The following CNTNAP5 variants were observed in gnomAD, a reference collection of about 807,000 sequenced individuals.
CNTNAP5 encodes the protein contactin-associated protein-like 5.
In CNTNAP5, 72 loss-of-function variants were observed where a neutral mutation model predicts 150.2. The ratio of observed to expected loss-of-function variants is 0.48; its 90% CI spans 0.40 to 0.58. CNTNAP5 has a LOEUF of 0.58. Ranked by LOEUF, CNTNAP5 falls within the 20% of genes least tolerant of loss-of-function variation. CNTNAP5 has a pLI of 0.00. For synonymous variants in CNTNAP5, 672 were observed against 619.8 expected, an observed-to-expected ratio of 1.08 and a Z score of -1.25; for missense variants, 1,636 against 1,626.2, an observed-to-expected ratio of 1.01 and a Z score of -0.10.
chr2:124,874,752 C>T (rs1205478432), intron 21 of CNTNAP5, among the ~76,000 whole-genome samples: 1 of 151,904 alleles, frequency 6.6e-6, no homozygotes, highest in Non-Finnish European at 1.5e-5. Flanking sequence ...TATAGTACTG[C>T]CTTTAAACTA....
chr2:124,437,090 A>T (rs1392546503), intron 5 of CNTNAP5, among the ~76,000 whole-genome samples: 3 of 152,180 alleles, frequency 2.0e-5, no homozygotes, highest in Admixed American at 2.0e-4. Context: ...ATAATGGGAA[A>T]TCTATAATGT....
chr2:124,375,300 C>A (rs962497657), intron 3 of CNTNAP5, among the ~76,000 whole-genome samples: 1 of 151,984 alleles, frequency 6.6e-6, no homozygotes, highest in African/African-American at 2.4e-5. Flanking sequence ...CCTGCTGACC[C>A]CAGCATAACT....
At chr2:124,186,637 C>T (rs1039216583) in intron 1 of CNTNAP5, among the ~76,000 whole-genome samples, 6 of 152,226 alleles carry the variant, frequency 3.9e-5, no homozygotes, top group South Asian at 2.1e-4. Context: ...AACCTGAGGG[C>T]GGAGATGTCT....
chr2:124,107,103 T>C (rs1411412463), intron 1 of CNTNAP5, among the ~76,000 whole-genome samples: 2 of 152,144 alleles, frequency 1.3e-5, no homozygotes, highest in African/African-American at 4.8e-5. Flanking sequence ...GACTGTGAAA[T>C]GAGAGCTCAG....
At chr2:124,591,475 G>A (rs1039630851) in intron 11 of CNTNAP5, among the ~76,000 whole-genome samples, 7 of 152,046 alleles carry the variant, frequency 4.6e-5, no homozygotes, top group Non-Finnish European at 7.4e-5. Flanking sequence ...GCTAATCCAA[G>A]GATTTCCATA....
rs1685873375 is a variant in CNTNAP5, at chr2:124,206,723, G to A, written c.83-14982G>A. On this transcript the variant is annotated intron_variant, in intron 1 of 23. Coordinates refer to ENST00000682447, the MANE Select transcript of CNTNAP5 (RefSeq NM_001367498.1). ...AAATTATAATCTACATTTTTGTAAA[G>A]GTAATTCATGCTCACAATAAAGTTT... Among the ~76,000 whole-genome samples the A allele has an allele frequency of 3.3e-5, 5 of 152,148 alleles. No individual in the cohort carries two copies. The South Asian group carries it at 1.0e-3, about 31-fold the overall frequency.
At chr2:124,161,714 A>C (rs1684683981) in intron 1 of CNTNAP5, among the ~76,000 whole-genome samples, 2 of 152,214 alleles carry the variant, frequency 1.3e-5, no homozygotes, top group Non-Finnish European at 2.9e-5. Flanking sequence ...GATCAAAAAA[A>C]AGAAAAGGAC....
intron 1 of CNTNAP5, among the ~76,000 whole-genome samples, chr2:124,168,417 G>A (rs546720040): frequency 1.3e-5 from 2 of 152,282 alleles, no homozygotes; most frequent in African/African-American, 4.8e-5. Flanking sequence ...AGTGATAGTG[G>A]CAAGCATAAG....
intron 1 of CNTNAP5, among the ~76,000 whole-genome samples, chr2:124,083,507 T>A (rs1682608360): frequency 6.6e-6 from 1 of 152,234 alleles, no homozygotes; most frequent in South Asian, 2.1e-4. Context: ...TTGTCTAGTA[T>A]TATAGATACC....
At chr2:124,635,902 A>T (rs1167205802) in intron 12 of CNTNAP5, among the ~76,000 whole-genome samples, 1 of 152,144 alleles carries the variant, frequency 6.6e-6, no homozygotes, top group Non-Finnish European at 1.5e-5. Context: ...TCTCATATTT[A>T]TGTCTATTTG....
chr2:124,751,124 A>G (rs532730813), intron 14 of CNTNAP5, among the ~76,000 whole-genome samples: 1 of 152,180 alleles, frequency 6.6e-6, no homozygotes, highest in African/African-American at 2.4e-5. Flanking sequence ...ATGAGCTGGG[A>G]AATTTAGATT....
chr2:124,075,305 T>C (rs1236848870), intron 1 of CNTNAP5, among the ~76,000 whole-genome samples: 2 of 152,110 alleles, frequency 1.3e-5, no homozygotes, highest in Non-Finnish European at 2.9e-5. Flanking sequence ...CCTTTCTAAG[T>C]TGAGATCCAC....
intron 2 of CNTNAP5, 149 bp from the exon 3 acceptor site, chr2:124,242,051 G>T (rs1017017537): frequency 1.6e-5 from 10 of 619,528 alleles, no homozygotes; most frequent in African/African-American, 9.2e-5. Flanking sequence ...GTACCAGGGG[G>T]TTAAGTACAG....
At chr2:124,377,572 G>C (rs1220369522) in intron 3 of CNTNAP5, among the ~76,000 whole-genome samples, 1 of 151,900 alleles carries the variant, frequency 6.6e-6, no homozygotes, top group Non-Finnish European at 1.5e-5. Flanking sequence ...CTACTCAGGA[G>C]GCTGAGACAG....
At chr2:124,480,249 T>A (rs2104839102) in intron 7 of CNTNAP5, among the ~76,000 whole-genome samples, 1 of 152,338 alleles carries the variant, frequency 6.6e-6, no homozygotes, top group African/African-American at 2.4e-5. Flanking sequence ...TTACTTCAGA[T>A]TTGATCAAAT....
At chr2:124,176,570 GTGAAGAGC>G in intron 1 of CNTNAP5, among the ~76,000 whole-genome samples, 1 of 152,282 alleles carries the variant, frequency 6.6e-6, no homozygotes, top group African/African-American at 2.4e-5. Context: ...AGCCTTCAGA[GTGAAGAGC>G]TGAAAATACA....
At chr2:124,416,192 C>T (rs920738247) in intron 3 of CNTNAP5, among the ~76,000 whole-genome samples, 2 of 151,972 alleles carry the variant, frequency 1.3e-5, no homozygotes, top group African/African-American at 4.8e-5. Context: ...TGCTTTGGAA[C>T]AAAGTATTGA....
rs148756953 is a variant in CNTNAP5, at chr2:124,913,402, A to G, written c.3728-690A>G. Among the ~76,000 whole-genome samples the G allele has an allele frequency of 1.1e-3, 164 of 152,162 alleles. 1 individual carries two copies. The highest frequency in any genetic ancestry group is 3.8e-3 in the African/African-American group (157 of 41,538). On this transcript the variant is annotated intron_variant, in intron 23 of 23. Coordinates refer to ENST00000682447, the MANE Select transcript of CNTNAP5 (RefSeq NM_001367498.1). ...GTAAGCAAGAATAGCTTGCAACATAATCCAGTTAAATCACACACAGTCAGA... is the reference window on the plus strand; with the variant it reads ...GTAAGCAAGAATAGCTTGCAACATAGTCCAGTTAAATCACACACAGTCAGA...
chr2:124,559,237 C>T (rs1695831006), intron 10 of CNTNAP5, among the ~76,000 whole-genome samples: 1 of 152,140 alleles, frequency 6.6e-6, no homozygotes, highest in African/African-American at 2.4e-5. Context: ...TTTGGATAAA[C>T]ATTATAAAGA....
Sources: allele counts gnomAD v4.1 joint callset (sites outside exome capture counted in the v4.1 genomes callset), GRCh38; gene constraint gnomAD v4.1.1; transcripts MANE v1.5; gene names NCBI Gene and HGNC (gene_info 2026-07-23, HGNC 2026-07-21).